The following ZNF385C variants were observed in gnomAD, a reference collection of about 807,000 sequenced individuals.
The protein encoded by ZNF385C is zinc finger protein 385C.
A neutral mutation model predicts 35.4 loss-of-function variants in ZNF385C; 28 were observed. The observed-to-expected ratio is 0.79, with a 90% CI of 0.59 to 1.08. ZNF385C has a LOEUF of 1.08. Ranked by LOEUF, ZNF385C falls within the 50% of genes least tolerant of loss-of-function variation. ZNF385C has a pLI of 0.00. For missense variants in ZNF385C, 605 were observed against 595.6 expected, an observed-to-expected ratio of 1.02 and a Z score of -0.16; for synonymous variants, 248 against 248.2, an observed-to-expected ratio of 1.00 and a Z score of 0.01.
At chr17:42,068,503 C>T (rs2053579615) in intron 1 of ZNF385C, among the ~76,000 whole-genome samples, 2 of 152,092 alleles carry the variant, frequency 1.3e-5, no homozygotes, top group Non-Finnish European at 2.9e-5. Context: ...AGGTGTTTGA[C>T]AAAAAGGGTC....
intron 5 of ZNF385C, among the ~76,000 whole-genome samples, chr17:42,029,727 C>CA (rs1363293926): frequency 2.6e-4 from 39 of 149,892 alleles, no homozygotes; most frequent in African/African-American, 9.6e-4. Flanking sequence ...AACAAACAAA[C>CA]AAACAAAAAA....
intron 2 of ZNF385C, among the ~76,000 whole-genome samples, chr17:42,045,052 G>C (rs968919771): frequency 5.9e-5 from 9 of 152,076 alleles, no homozygotes; most frequent in Admixed American, 5.9e-4. Context: ...CAAGTAGCTG[G>C]GACTACAGGC....
At position 42,026,891 on chromosome 17, in the gene ZNF385C, T is replaced by A; in HGVS notation, c.*6A>T. 1 of 1,581,152 alleles carries A rather than the reference T, an allele frequency of 6.3e-7. No individual in the cohort carries two copies. Among genetic ancestry groups the A allele is most frequent in the South Asian group, 1.1e-5 (1 of 87,678 alleles). On this transcript the variant is annotated 3_prime_UTR_variant, in exon 9 of 9. Transcript: ENST00000692273. ...TGGGAAATCAGCTCTGGCCTCCCCATGAGGGCTAATAAGGGGCAAGGACGA... is the reference window on the plus strand; with the variant it reads ...TGGGAAATCAGCTCTGGCCTCCCCAAGAGGGCTAATAAGGGGCAAGGACGA...
chr17:42,092,690 T>A (rs1555660650), intron 1 of ZNF385C, among the ~76,000 whole-genome samples: 1 of 152,194 alleles, frequency 6.6e-6, no homozygotes, highest in Non-Finnish European at 1.5e-5. Flanking sequence ...TAGGAACCCC[T>A]AGAAAACCCA....
intron 2 of ZNF385C, chr17:42,061,221 T>C (rs2053456148): frequency 7.9e-6 from 1 of 125,868 alleles, no homozygotes; most frequent in Admixed American, 8.0e-5. Flanking sequence ...TTTTTTTTTT[T>C]TTTTTTTTTT....
chr17:42,032,066 T>G (rs530944333), intron 4 of ZNF385C, among the ~76,000 whole-genome samples: 2 of 152,246 alleles, frequency 1.3e-5, no homozygotes, highest in East Asian at 3.9e-4. Flanking sequence ...GTTGTTTTTG[T>G]TTTTTGTTTT....
chr17:42,090,669 C>A (rs1165776367), intron 1 of ZNF385C, among the ~76,000 whole-genome samples: 1 of 151,132 alleles, frequency 6.6e-6, no homozygotes, highest in South Asian at 2.1e-4. Context: ...CAGAGGCGGG[C>A]GGATCACGAG....
chr17:42,039,643 T>C, intron 2 of ZNF385C: 1 of 1,214,656 alleles, frequency 8.2e-7, no homozygotes, highest in Non-Finnish European at 1.0e-6. Context: ...TGGTCAAGTC[T>C]AGGTTGGCCC....
intron 2 of ZNF385C, among the ~76,000 whole-genome samples, chr17:42,051,084 T>C (rs2053274398): frequency 6.6e-6 from 1 of 151,918 alleles, no homozygotes; most frequent in South Asian, 2.1e-4. Flanking sequence ...GGCCGTGGGA[T>C]GGCAGAGCAA....
intron 1 of ZNF385C, among the ~76,000 whole-genome samples, chr17:42,087,612 T>C (rs868958953): frequency 1.3e-5 from 2 of 152,192 alleles, no homozygotes; most frequent in Non-Finnish European, 2.9e-5. Context: ...TGAATCACTA[T>C]ATTCCTTAAA....
chr17:42,038,459 C>A, intron 2 of ZNF385C: 1 of 182,412 alleles, frequency 5.5e-6, no homozygotes, highest in Non-Finnish European at 1.1e-5. Flanking sequence ...GTAAATAAGC[C>A]AACATTCCTG....
chr17:42,054,582 C>CTTT (rs56706078), intron 2 of ZNF385C, among the ~76,000 whole-genome samples: 9 of 135,558 alleles, frequency 6.6e-5, no homozygotes, highest in Non-Finnish European at 7.7e-5. Context: ...ACTAGAACTT[C>CTTT]TTTTTTTTTT....
At chr17:42,084,022 T>C (rs1035764536) in intron 1 of ZNF385C, among the ~76,000 whole-genome samples, 25 of 152,060 alleles carry the variant, frequency 1.6e-4, no homozygotes, top group African/African-American at 5.8e-4. Context: ...CCCAGCCACT[T>C]TTAAAGCCGT....
At chr17:42,063,758 T>C (rs1291666203) in intron 1 of ZNF385C, among the ~76,000 whole-genome samples, 2 of 152,108 alleles carry the variant, frequency 1.3e-5, no homozygotes, top group African/African-American at 4.8e-5. Context: ...AGAGTCCTGT[T>C]CTCAGCTCTA....
At chr17:42,034,967 A>C (rs1467085402) in intron 3 of ZNF385C, among the ~76,000 whole-genome samples, 1 of 149,428 alleles carries the variant, frequency 6.7e-6, no homozygotes, top group Non-Finnish European at 1.5e-5. Flanking sequence ...TACTAAAAAT[A>C]CAAAAATTAG....
At chr17:42,089,852 G>C (rs573425050) in intron 1 of ZNF385C, among the ~76,000 whole-genome samples, 1 of 152,238 alleles carries the variant, frequency 6.6e-6, no homozygotes, top group Non-Finnish European at 1.5e-5. Context: ...TTGTTTAACT[G>C]TACTACAGGG....
At chr17:42,033,477 G>A (rs1025461867) in intron 4 of ZNF385C, among the ~76,000 whole-genome samples, 3 of 152,184 alleles carry the variant, frequency 2.0e-5, no homozygotes, top group Admixed American at 6.5e-5. Flanking sequence ...TAGGCCAGGC[G>A]CGGTGGCTCA....
intron 2 of ZNF385C, among the ~76,000 whole-genome samples, chr17:42,060,746 C>T (rs1204021599): frequency 3.9e-5 from 6 of 152,108 alleles, no homozygotes; most frequent in Non-Finnish European, 7.3e-5. Context: ...GACAGGGTCT[C>T]CCTCTGTTGC....
chr17:42,056,922 T>C (rs541806529), intron 2 of ZNF385C, among the ~76,000 whole-genome samples: 7 of 152,200 alleles, frequency 4.6e-5, no homozygotes, highest in African/African-American at 1.7e-4. Flanking sequence ...TATGTCTTTA[T>C]CAGCAGCATG....
Sources: allele counts gnomAD v4.1 joint callset (sites outside exome capture counted in the v4.1 genomes callset), GRCh38; gene constraint gnomAD v4.1.1; transcripts MANE v1.5; gene names NCBI Gene and HGNC (gene_info 2026-07-23, HGNC 2026-07-21).